JAK2: variants seen among roughly 807,000 people sequenced by gnomAD.
JAK2 encodes tyrosine-protein kinase JAK2.
Under a neutral mutation model 139.3 loss-of-function variants are expected in JAK2, and 86 were observed. The ratio of observed to expected loss-of-function variants is 0.62; its 90% CI spans 0.52 to 0.74. The LOEUF (loss-of-function observed/expected upper bound fraction) is 0.74. JAK2 is among the 30% of genes least tolerant of loss of function. JAK2 has a pLI of 0.00. For missense variants in JAK2, 1,421 were observed against 1,360.3 expected, an observed-to-expected ratio of 1.04 and a Z score of -0.70; for synonymous variants, 490 against 437.7, an observed-to-expected ratio of 1.12 and a Z score of -1.49.
chr9:5,101,749 G>A (rs187359349), intron 22 of JAK2, among the ~76,000 whole-genome samples: 34 of 152,334 alleles, frequency 2.2e-4, no homozygotes, highest in African/African-American at 7.5e-4. Context: ...TGCAGATACC[G>A]AGGCAAACAG....
chr9:5,063,331 C>T (rs527945683), intron 8 of JAK2, among the ~76,000 whole-genome samples: 35 of 152,286 alleles, frequency 2.3e-4, no homozygotes, highest in African/African-American at 7.9e-4. Context: ...CATAATCAAA[C>T]CTGTCATATA....
chr9:5,041,267 G>T (rs1816484963), intron 4 of JAK2: 2 of 1,304,062 alleles, frequency 1.5e-6, no homozygotes, highest in Admixed American at 1.8e-5. Context: ...CATCGACCTC[G>T]GGCTGGCCAA....
rs111868050 is a variant in JAK2, at chr9:5,032,688, G to C, written c.350+2782G>C. On this transcript the variant is annotated intron_variant, in intron 4 of 24. Transcript: ENST00000381652. ...CAACAGACCTGCAGCAGAGGGTCCTGACTGTCAGAAGGAAAACTAACAAAC... is the reference window on the plus strand; with the variant it reads ...CAACAGACCTGCAGCAGAGGGTCCTCACTGTCAGAAGGAAAACTAACAAAC... Among the ~76,000 whole-genome samples, 999 of 152,290 alleles carry C rather than the reference G, an allele frequency of 6.6e-3. 10 individuals are homozygous for C. The highest frequency in any genetic ancestry group is 0.023 in the African/African-American group (935 of 41,548).
chr9:5,119,692 G>A (rs1463861800), intron 22 of JAK2, among the ~76,000 whole-genome samples: 2 of 152,130 alleles, frequency 1.3e-5, no homozygotes, highest in African/African-American at 2.4e-5. Context: ...GTGTTAGGGG[G>A]AGGTATGAAG....
intron 8 of JAK2, among the ~76,000 whole-genome samples, chr9:5,058,882 G>T (rs932227692): frequency 1.3e-5 from 2 of 151,850 alleles, no homozygotes; most frequent in East Asian, 3.9e-4. Flanking sequence ...TTTTTAATCA[G>T]GTTTTTTTTG....
intron 22 of JAK2, among the ~76,000 whole-genome samples, chr9:5,102,012 C>G (rs1042805038): frequency 2.6e-5 from 4 of 152,076 alleles, no homozygotes; most frequent in African/African-American, 9.7e-5. Flanking sequence ...AGGATTGCAG[C>G]TCCTTGCCAG....
intron 22 of JAK2, chr9:5,114,638 C>A: frequency 2.1e-6 from 1 of 476,718 alleles, no homozygotes. Context: ...CTTGGCACAG[C>A]ATGACGCAGC....
intron 5 of JAK2, among the ~76,000 whole-genome samples, chr9:5,049,339 T>C (rs1817252698): frequency 6.6e-6 from 1 of 152,224 alleles, no homozygotes; most frequent in African/African-American, 2.4e-5. Context: ...TAAGTTTTAA[T>C]CCACATTATT....
intron 22 of JAK2, among the ~76,000 whole-genome samples, chr9:5,120,754 G>C (rs1379770280): frequency 6.6e-6 from 1 of 152,178 alleles, no homozygotes; most frequent in Non-Finnish European, 1.5e-5. Context: ...ATATTTCTAA[G>C]CTATACTCTA....
chr9:5,031,824 G>A (rs1260875509), intron 4 of JAK2, among the ~76,000 whole-genome samples: 1 of 152,228 alleles, frequency 6.6e-6, no homozygotes, highest in African/African-American at 2.4e-5. Context: ...ACAGCTCCCA[G>A]CATGGGCGAT....
intron 2 of JAK2, among the ~76,000 whole-genome samples, chr9:5,006,175 A>C (rs1184857943): frequency 6.6e-6 from 1 of 152,104 alleles, no homozygotes; most frequent in Non-Finnish European, 1.5e-5. Flanking sequence ...TTCATTGAGC[A>C]GTGGTTTGTA....
chr9:5,059,861 TGTGACAG>T (rs1417919328), intron 8 of JAK2, among the ~76,000 whole-genome samples: 4 of 152,216 alleles, frequency 2.6e-5, no homozygotes, highest in Admixed American at 2.6e-4. Context: ...ATGAAGTGCC[TGTGACAG>T]TCTTTTGCAC....
intron 22 of JAK2, chr9:5,099,694 C>T (rs551880661): frequency 9.1e-4 from 138 of 152,252 alleles, no homozygotes; most frequent in African/African-American, 3.0e-3. Flanking sequence ...TTCTATTCAA[C>T]GATGATTAAT....
chr9:5,102,312 G>T (rs1185684683), intron 22 of JAK2, among the ~76,000 whole-genome samples: 2 of 152,150 alleles, frequency 1.3e-5, no homozygotes, highest in Non-Finnish European at 2.9e-5. Flanking sequence ...TCAAATTAAT[G>T]AAATAAAGCG....
Position 5,066,705 on chromosome 9 carries a change from G to C in JAK2, c.1242G>C (p.Lys414Asn). 2 of 1,608,586 alleles carry C rather than the reference G, an allele frequency of 1.2e-6. No individual in the cohort carries two copies. Among genetic ancestry groups the C allele is most frequent in the Non-Finnish European group, 1.7e-6 (2 of 1,175,972 alleles). ...ISMDFAISKL[K>N]KAGNQTGLYV... ...TGGATTTTGCCATTAGTAAACTGAA[G>C]AAAGCAGGTAATCAGACTGGACTGT... is the stretch of plus-strand genomic sequence containing the variant. The change falls in exon 10 of 25, where the codon AAG becomes AAC. Residue 414 changes from lysine to asparagine, a missense_variant. By Grantham distance (94) the Lys-to-Asn change is moderately conservative. Coordinates refer to ENST00000381652, the MANE Select transcript of JAK2 (RefSeq NM_004972.4).
At chr9:5,012,505 G>A (rs1341020165) in intron 2 of JAK2, among the ~76,000 whole-genome samples, 2 of 151,980 alleles carry the variant, frequency 1.3e-5, no homozygotes, top group Non-Finnish European at 2.9e-5. Flanking sequence ...TTGGTGTTTG[G>A]GGCAGAAGGG....
At chr9:5,081,680 A>T in intron 18 of JAK2, 45 bp from the exon 19 acceptor site, 1 of 1,409,240 alleles carries the variant, frequency 7.1e-7, no homozygotes, top group Non-Finnish European at 1.0e-6. Context: ...AGTCCAGAGA[A>T]TGTTATTTGC....
chr9:5,113,764 G>T, intron 22 of JAK2: 1 of 165,722 alleles, frequency 6.0e-6, no homozygotes, highest in South Asian at 1.6e-4. Context: ...CCAGCCAGCT[G>T]ACTGCCTCGG....
chr9:5,094,515 C>G (rs1278503295), intron 22 of JAK2: 1 of 152,146 alleles, frequency 6.6e-6, no homozygotes, highest in Non-Finnish European at 1.5e-5. Flanking sequence ...TCACCCTAGC[C>G]ATTATCCTGC....
Sources: allele counts gnomAD v4.1 joint callset (sites outside exome capture counted in the v4.1 genomes callset), GRCh38; gene constraint gnomAD v4.1.1; transcripts MANE v1.5; gene names NCBI Gene and HGNC (gene_info 2026-07-23, HGNC 2026-07-21).